Variants in RARB observed in about 807,000 individuals in gnomAD.
RARB encodes retinoic acid receptor beta.
Under a neutral mutation model 51.9 loss-of-function variants are expected in RARB, and 17 were observed. The ratio of observed to expected loss-of-function variants is 0.33; its 90% confidence interval spans 0.22 to 0.49. The LOEUF (loss-of-function observed/expected upper bound fraction) is 0.49, where lower values mean the gene tolerates loss of function less well. Among genes scored for constraint, RARB ranks in the 20% least tolerant of loss-of-function variants. RARB has a pLI of 0.99. For synonymous variants in RARB, 215 were observed against 195.4 expected (o/e 1.10, Z -0.84); for missense variants, 369 against 550.8 (o/e 0.67, Z 3.30).
intron 2 of RARB, among the ~76,000 whole-genome samples, chr3:25,485,451 T>C (rs1696418609): frequency 1.3e-5 from 2 of 152,212 alleles, no homozygotes; most frequent in South Asian, 4.1e-4. Flanking sequence ...GCTTCAGGTC[T>C]AGCCCCACTC....
intron 5 of RARB, among the ~76,000 whole-genome samples, chr3:25,585,065 C>G (rs1028657133): frequency 6.6e-6 from 1 of 151,908 alleles, no homozygotes; most frequent in African/African-American, 2.4e-5. Flanking sequence ...GGTTCAAAAT[C>G]TGGCTCTGCT....
At chr3:25,264,085 T>G (rs1427960028) in intron 5 of RARB, among the ~76,000 whole-genome samples, 2 of 148,026 alleles carry the variant, frequency 1.4e-5, no homozygotes, top group Non-Finnish European at 3.0e-5. Context: ...ACTAATAATA[T>G]ATATTTCCCA....
rs1459742723 is a variant in RARB at position 25,546,315 on chromosome 3, GA to G, written c.449-23441del. On this transcript the variant is annotated intron_variant, in intron 3 of 7. Coordinates refer to ENST00000330688, the MANE Select transcript of RARB (RefSeq NM_000965.5). ...GCGCAGAAGAGTGCCACACTGGGGTGAATAGCATCCAGGTGTCTGCTCCGTC... is the reference window on the plus strand; with the variant it reads ...GCGCAGAAGAGTGCCACACTGGGGTGATAGCATCCAGGTGTCTGCTCCGTC... Among the ~76,000 whole-genome samples the G allele has an allele frequency of 6.6e-5, 10 of 152,328 alleles. No individual in the cohort carries two copies. The East Asian group carries it at 1.5e-3, about 23-fold the overall frequency.
At chr3:25,183,746 C>T (rs1291374048) in intron 5 of RARB, among the ~76,000 whole-genome samples, 1 of 152,108 alleles carries the variant, frequency 6.6e-6, no homozygotes, top group East Asian at 1.9e-4. Flanking sequence ...CTTCTAGTGT[C>T]CAGAATTCTT....
chr3:24,896,256 G>T (rs1390915595), intron 2 of RARB, among the ~76,000 whole-genome samples: 1 of 151,838 alleles, frequency 6.6e-6, no homozygotes, highest in Admixed American at 6.6e-5. Context: ...ATTTTTGGTG[G>T]TGGTGTTTTG....
At chr3:25,254,301 G>A (rs1702803883) in intron 5 of RARB, among the ~76,000 whole-genome samples, 1 of 152,084 alleles carries the variant, frequency 6.6e-6, no homozygotes, top group Admixed American at 6.6e-5. Flanking sequence ...CCCCATTATT[G>A]AGAAACAGTT....
At chr3:25,023,399 G>C (rs1371951860) in intron 2 of RARB, among the ~76,000 whole-genome samples, 1 of 152,096 alleles carries the variant, frequency 6.6e-6, no homozygotes, top group Non-Finnish European at 1.5e-5. Flanking sequence ...TATTTACTGA[G>C]GTTAAGACGA....
chr3:25,332,598 C>T (rs1292211769), intron 5 of RARB, among the ~76,000 whole-genome samples: 1 of 152,152 alleles, frequency 6.6e-6, no homozygotes, highest in Non-Finnish European at 1.5e-5. Context: ...TGGAAGCATT[C>T]CCTTTGAAAA....
chr3:25,395,420 G>T (rs9682055), intron 5 of RARB, among the ~76,000 whole-genome samples: 2 of 152,066 alleles, frequency 1.3e-5, no homozygotes, highest in African/African-American at 4.8e-5. Context: ...GATGTTCTTT[G>T]AGCTGCTTGT....
At chr3:24,848,259 C>G (rs955102470) in intron 1 of RARB, among the ~76,000 whole-genome samples, 3 of 152,106 alleles carry the variant, frequency 2.0e-5, no homozygotes, top group African/African-American at 7.2e-5. Context: ...AGGGTTTTTG[C>G]CATGTTGCCC....
At chr3:25,194,584 G>A (rs917020139) in intron 5 of RARB, among the ~76,000 whole-genome samples, 3 of 149,824 alleles carry the variant, frequency 2.0e-5, no homozygotes, top group Non-Finnish European at 4.4e-5. Flanking sequence ...TTAATAAAAA[G>A]ATTACCCGGA....
chr3:24,958,422 G>A lies in RARB; in HGVS notation c.-380+99670G>A, dbSNP rs181501273. On this transcript the variant is annotated intron_variant, in intron 2 of 11. Transcript: ENST00000383772. ...TTAATTAGTCATTTGGTTCCCAGAC[G>A]TCTGCCAAAGCAACTATAAAGGCAA... Among the ~76,000 whole-genome samples, 596 of 151,956 alleles carry A rather than the reference G, an allele frequency of 3.9e-3. 3 individuals carry two copies. The highest frequency in any genetic ancestry group is 0.013 in the African/African-American group (550 of 41,450).
chr3:24,986,052 A>C (rs1172445368), intron 2 of RARB, among the ~76,000 whole-genome samples: 1 of 152,256 alleles, frequency 6.6e-6, no homozygotes, highest in East Asian at 1.9e-4. Context: ...ATATAATTCT[A>C]AGAACCACGG....
chr3:25,341,168 G>C (rs7613965), intron 5 of RARB, among the ~76,000 whole-genome samples: 55,504 of 152,016 alleles, frequency 0.37, 10,875 homozygotes, highest in South Asian at 0.5. Flanking sequence ...AAAGTCTTCT[G>C]TTACTCATAT....
chr3:25,295,688 T>A (rs761023545), intron 5 of RARB, among the ~76,000 whole-genome samples: 2 of 152,218 alleles, frequency 1.3e-5, no homozygotes, highest in African/African-American at 2.4e-5. Flanking sequence ...GGCCTAAGAT[T>A]CGATATGTCA....
At chr3:25,462,128 G>T (rs556965498) in intron 2 of RARB, among the ~76,000 whole-genome samples, 1 of 152,284 alleles carries the variant, frequency 6.6e-6, no homozygotes, top group South Asian at 2.1e-4. Flanking sequence ...AGCCTGTAGG[G>T]ACTTGCTACT....
chr3:25,079,763 G>A (rs1698954160), intron 3 of RARB, among the ~76,000 whole-genome samples: 1 of 152,028 alleles, frequency 6.6e-6, no homozygotes, highest in Non-Finnish European at 1.5e-5. Context: ...TTCAAATATT[G>A]CTGGGCTCAA....
rs111237086 is a variant in RARB at position 24,951,705 on chromosome 3, A to T, written c.-380+92953A>T. Among the ~76,000 whole-genome samples the T allele has an allele frequency of 1.8e-4, 28 of 152,308 alleles. 2 individuals are homozygous for T. Among genetic ancestry groups the T allele is most frequent in the African/African-American group, 6.5e-4 (27 of 41,574 alleles). On this transcript the variant is annotated intron_variant, in intron 2 of 11. Coordinates refer to the RARB transcript ENST00000383772. ...TGAGAGAATAAAAATCATTTAGTTG[A>T]TAGGAAACCAATGCCAATGACCCCC...
rs151112447 is a variant in RARB at position 24,858,222 on chromosome 3, A to C, written c.-458-452A>C. 4.7e-3 allele frequency among the ~76,000 whole-genome samples: 714 copies of C among 152,280 alleles called. 7 individuals are homozygous for C. Among genetic ancestry groups the C allele is most frequent in the African/African-American group, 0.016 (675 of 41,538 alleles). ...AAAGTGATGAAACCAAGAAGATTACAACATGTTTTTTTTTTCTTCTTATAA... is the reference window on the plus strand; with the variant it reads ...AAAGTGATGAAACCAAGAAGATTACCACATGTTTTTTTTTTCTTCTTATAA... On this transcript the variant is annotated intron_variant, in intron 1 of 11. Transcript: ENST00000383772.
Sources: allele counts gnomAD v4.1 joint callset (sites outside exome capture counted in the v4.1 genomes callset), GRCh38; gene constraint gnomAD v4.1.1; transcripts MANE v1.5; gene names NCBI Gene and HGNC (gene_info 2026-07-23, HGNC 2026-07-21).